SGCZ: variants seen among roughly 807,000 people sequenced by gnomAD.
The protein encoded by SGCZ is zeta-sarcoglycan.
In SGCZ, 40 loss-of-function variants were observed where a neutral mutation model predicts 41.3. The observed-to-expected ratio is 0.97, with a 90% CI of 0.75 to 1.26. SGCZ has a LOEUF of 1.26. Ranked by LOEUF, SGCZ falls within the 50% of genes most tolerant of loss-of-function variation. SGCZ has a pLI of 0.00. For missense variants in SGCZ, 552 were observed against 369.8 expected, an observed-to-expected ratio of 1.49 and a Z score of -4.04; for synonymous variants, 206 against 137.5, an observed-to-expected ratio of 1.50 and a Z score of -3.49.
intron 1 of SGCZ, among the ~76,000 whole-genome samples, chr8:14,777,579 T>C (rs1800446986): frequency 6.6e-6 from 1 of 152,214 alleles, no homozygotes; most frequent in Admixed American, 6.5e-5. Flanking sequence ...TGTTTTGAAA[T>C]GCTTCATTAC....
rs1801637302 is a variant in SGCZ at position 14,090,023 on chromosome 8, C to T, written c.*420G>A. The T allele has an allele frequency of 6.5e-6, 1 of 153,804 alleles. No homozygotes were observed. The highest frequency in any genetic ancestry group is 1.4e-5 in the Non-Finnish European group (1 of 68,994). The allele number at this position is 153,804 out of a possible 1,614,324, so 9.5% of individuals were successfully genotyped here. A position where few individuals can be genotyped will look rare whatever the true frequency, so the allele number is the denominator to read the frequency against. ...AAAGATGAATGGAAAATTGTGCTTT[C>T]AGAATGTAGAATAAGTTTTCTTACA... On this transcript the variant is annotated 3_prime_UTR_variant, in exon 8 of 8. Transcript: ENST00000382080.
At chr8:14,401,608 G>A (rs183328690) in intron 2 of SGCZ, among the ~76,000 whole-genome samples, 3,185 of 151,438 alleles carry the variant, frequency 0.021, 123 homozygotes, top group African/African-American at 0.072. Context: ...CCCTACAAAG[G>A]ACATGAACTC....
At chr8:14,647,573 A>C (rs539483360) in intron 1 of SGCZ, among the ~76,000 whole-genome samples, 1 of 152,118 alleles carries the variant, frequency 6.6e-6, no homozygotes, top group South Asian at 2.1e-4. Flanking sequence ...CATGTGTTTT[A>C]GACATGGTTG....
chr8:14,201,170 G>C (rs1351141256), intron 4 of SGCZ, among the ~76,000 whole-genome samples: 1 of 152,128 alleles, frequency 6.6e-6, no homozygotes, highest in African/African-American at 2.4e-5. Flanking sequence ...ATACAGGCAG[G>C]TAGAAATACA....
At chr8:14,569,870 C>T (rs1313851277) in intron 1 of SGCZ, among the ~76,000 whole-genome samples, 1 of 151,112 alleles carries the variant, frequency 6.6e-6, no homozygotes, top group African/African-American at 2.4e-5. Context: ...GAGGCAGATG[C>T]AGCCGGACCA....
intron 1 of SGCZ, among the ~76,000 whole-genome samples, chr8:14,609,767 G>C (rs72607315): frequency 0.082 from 12,457 of 152,066 alleles, 1,280 homozygotes; most frequent in East Asian, 0.53. Flanking sequence ...AAGAGCAGTG[G>C]TTTGTATACA....
At chr8:14,710,876 A>G (rs1809494501) in intron 1 of SGCZ, among the ~76,000 whole-genome samples, 1 of 152,198 alleles carries the variant, frequency 6.6e-6, no homozygotes, top group Non-Finnish European at 1.5e-5. Flanking sequence ...TGTTTTGTAA[A>G]ACACACTCAA....
intron 1 of SGCZ, among the ~76,000 whole-genome samples, chr8:15,212,211 T>C (rs545401620): frequency 6.6e-6 from 1 of 152,272 alleles, no homozygotes; most frequent in Non-Finnish European, 1.5e-5. Context: ...AGGCTCATTG[T>C]TCTTAATTTG....
chr8:14,224,603 G>T (rs1247838534), intron 4 of SGCZ, among the ~76,000 whole-genome samples: 3 of 152,092 alleles, frequency 2.0e-5, no homozygotes, highest in Non-Finnish European at 4.4e-5. Context: ...ACTTTATTAC[G>T]TTGGCTACGC....
At chr8:14,248,444 T>A (rs1000364116) in intron 3 of SGCZ, among the ~76,000 whole-genome samples, 2 of 152,154 alleles carry the variant, frequency 1.3e-5, no homozygotes, top group African/African-American at 4.8e-5. Flanking sequence ...TATATGAGTA[T>A]CATGAATGAT....
At chr8:14,642,966 A>G (rs1807077878) in intron 1 of SGCZ, among the ~76,000 whole-genome samples, 1 of 151,628 alleles carries the variant, frequency 6.6e-6, no homozygotes, top group African/African-American at 2.4e-5. Context: ...GCAAACCCCT[A>G]GAAAAATGAC....
At chr8:14,248,763 T>TC (rs397891189) in intron 3 of SGCZ, among the ~76,000 whole-genome samples, 5 of 151,806 alleles carry the variant, frequency 3.3e-5, no homozygotes, top group Non-Finnish European at 5.9e-5. Flanking sequence ...TCTTTTTTTT[T>TC]CTCCTAAAAT....
intron 3 of SGCZ, among the ~76,000 whole-genome samples, chr8:14,266,135 C>G (rs1799857303): frequency 3.3e-5 from 5 of 151,960 alleles, no homozygotes; most frequent in Admixed American, 3.3e-4. Context: ...CAAAGATGAC[C>G]AAACAGACTC....
At chr8:14,155,520 T>C (rs1271734079) in intron 5 of SGCZ, among the ~76,000 whole-genome samples, 3 of 152,102 alleles carry the variant, frequency 2.0e-5, no homozygotes, top group East Asian at 1.9e-4. Flanking sequence ...TCATCATCCA[T>C]TGATAATTTT....
intron 5 of SGCZ, among the ~76,000 whole-genome samples, chr8:14,162,060 G>C (rs895013171): frequency 4.6e-5 from 7 of 152,126 alleles, no homozygotes; most frequent in Non-Finnish European, 1.0e-4. Context: ...TTGCCAATTT[G>C]GGCTAAGGAA....
chr8:14,256,694 C>G (rs1253906339), intron 3 of SGCZ, among the ~76,000 whole-genome samples: 1 of 152,142 alleles, frequency 6.6e-6, no homozygotes, highest in East Asian at 1.9e-4. Context: ...ATGAGCATCT[C>G]TAAGTTTTTA....
chr8:14,730,191 A>G (rs919820382), intron 1 of SGCZ, among the ~76,000 whole-genome samples: 1 of 152,214 alleles, frequency 6.6e-6, no homozygotes, highest in Admixed American at 6.5e-5. Context: ...GTGGGTGAGA[A>G]GTTTTCTGGA....
At chr8:15,115,167 G>C (rs1212423404) in intron 1 of SGCZ, among the ~76,000 whole-genome samples, 1 of 152,138 alleles carries the variant, frequency 6.6e-6, no homozygotes, top group Non-Finnish European at 1.5e-5. Context: ...CAGAGACCCA[G>C]GCACCCTTCC....
chr8:14,437,709 A>G (rs1800133467), intron 2 of SGCZ, among the ~76,000 whole-genome samples: 2 of 151,892 alleles, frequency 1.3e-5, no homozygotes, highest in Admixed American at 1.3e-4. Context: ...ATTGATAAAT[A>G]AAAATTTATA....
Sources: gnomAD v4.1 joint callset for allele counts (sites outside exome capture counted in the v4.1 genomes callset) on GRCh38, gnomAD v4.1.1 for gene constraint, MANE v1.5 for transcripts, NCBI Gene and HGNC (gene_info 2026-07-23, HGNC 2026-07-21) for gene names.